PRKCH: variants seen among roughly 807,000 people sequenced by gnomAD.
The protein encoded by PRKCH is protein kinase C eta type.
A neutral mutation model predicts 82.5 loss-of-function variants in PRKCH; 28 were observed. The observed-to-expected ratio is 0.34, with a 90% CI of 0.25 to 0.47. PRKCH has a LOEUF of 0.47. Ranked by LOEUF, PRKCH falls within the 20% of genes least tolerant of loss-of-function variation. The probability of loss-of-function intolerance (pLI) is 1.00; values close to 1 mark genes in which losing one functional copy is unlikely to be tolerated. For missense variants in PRKCH, 705 were observed against 881.8 expected, an observed-to-expected ratio of 0.80 and a Z score of 2.54; for synonymous variants, 322 against 327.4, an observed-to-expected ratio of 0.98 and a Z score of 0.18.
At chr14:61,479,839 G>A (rs141278502) in intron 9 of PRKCH, among the ~76,000 whole-genome samples, 1 of 152,314 alleles carries the variant, frequency 6.6e-6, no homozygotes, top group African/African-American at 2.4e-5. Flanking sequence ...TCACCAGGCA[G>A]CAGCTCCTCT....
chr14:61,311,878 A>T (rs2045527890), intron 1 of PRKCH, among the ~76,000 whole-genome samples: 1 of 152,220 alleles, frequency 6.6e-6, no homozygotes, highest in Non-Finnish European at 1.5e-5. Context: ...AGTTCATCCT[A>T]CATGGCAGCA....
intron 10 of PRKCH, among the ~76,000 whole-genome samples, chr14:61,524,109 C>T (rs2042937398): frequency 1.3e-5 from 2 of 152,224 alleles, no homozygotes; most frequent in African/African-American, 4.8e-5. Context: ...GCTCTCAACT[C>T]GCTTTCCTTT....
chr14:61,388,287 G>A (rs1475497817), intron 1 of PRKCH, among the ~76,000 whole-genome samples: 1 of 152,196 alleles, frequency 6.6e-6, no homozygotes, highest in Non-Finnish European at 1.5e-5. Flanking sequence ...ATCTGCCCTA[G>A]GTGGACAACA....
intron 10 of PRKCH, among the ~76,000 whole-genome samples, chr14:61,523,561 T>C (rs1272331309): frequency 6.6e-6 from 1 of 152,142 alleles, no homozygotes; most frequent in African/African-American, 2.4e-5. Flanking sequence ...CTTCATAGAG[T>C]TATTTTGAGG....
intron 2 of PRKCH, among the ~76,000 whole-genome samples, chr14:61,441,529 C>T (rs1452062985): frequency 6.6e-6 from 1 of 152,202 alleles, no homozygotes; most frequent in Non-Finnish European, 1.5e-5. Flanking sequence ...TCTTGGGTAG[C>T]ATTGGACATC....
At chr14:61,375,794 C>T (rs1048820914) in intron 1 of PRKCH, among the ~76,000 whole-genome samples, 2 of 151,926 alleles carry the variant, frequency 1.3e-5, no homozygotes, top group Non-Finnish European at 2.9e-5. Context: ...CAGAGCCAAA[C>T]CATACCACGG....
chr14:61,484,801 T>G, intron 9 of PRKCH, among the ~76,000 whole-genome samples: 1 of 145,666 alleles, frequency 6.9e-6, no homozygotes, highest in African/African-American at 2.6e-5. Flanking sequence ...GGAGTCTTAC[T>G]CCTGTCGCTC....
At position 61,481,990 on chromosome 14, in the gene PRKCH, C is replaced by CTTTTTTT. The variant is rs35134897; in HGVS notation, c.1279-3495_1279-3489dup. ...GATGTGTGGGTCTTCTTTCCTTTTC[C>CTTTTTTT]TTTTTTTTTTTTTTTTTTTTTTTGA... On this transcript the variant is annotated intron_variant, in intron 9 of 13. Coordinates refer to ENST00000332981, the MANE Select transcript of PRKCH (RefSeq NM_006255.5). Among the ~76,000 whole-genome samples the CTTTTTTT allele has an allele frequency of 1.4e-3, 141 of 101,068 alleles. 3 individuals are homozygous for CTTTTTTT. The East Asian group carries it at 0.022, about 16-fold the overall frequency. The allele number at this position is 101,068 out of a possible 152,430, so 66.3% of individuals were successfully genotyped here. A position where few individuals can be genotyped will look rare whatever the true frequency, so the allele number is the denominator to read the frequency against.
At position 61,513,142 on chromosome 14, in the gene PRKCH, T is replaced by G. The variant is rs2042771728; in HGVS notation, c.1434-15933T>G. 2.0e-5 allele frequency among the ~76,000 whole-genome samples: 3 copies of G among 152,168 alleles called. 1 individual carries two copies. The highest frequency in any genetic ancestry group is 7.2e-5 in the African/African-American group (3 of 41,408). Reference sequence around the variant, plus strand: ...AGATGCAGAAAGCAGTTCTCACCATTGCTTCCTCAGTTCCTTAGCATCCAC... The same window carrying G: ...AGATGCAGAAAGCAGTTCTCACCATGGCTTCCTCAGTTCCTTAGCATCCAC... On this transcript the variant is annotated intron_variant, in intron 10 of 13. Transcript: ENST00000332981.
intron 7 of PRKCH, among the ~76,000 whole-genome samples, chr14:61,454,846 T>A (rs1364074977): frequency 6.6e-6 from 1 of 152,208 alleles, no homozygotes; most frequent in East Asian, 1.9e-4. Flanking sequence ...ATGTAAGATC[T>A]GAACGGTGTA....
intron 1 of PRKCH, among the ~76,000 whole-genome samples, chr14:61,272,663 T>G (rs1420436562): frequency 1.3e-5 from 2 of 152,170 alleles, no homozygotes; most frequent in East Asian, 3.9e-4. Flanking sequence ...GCCCATAGAT[T>G]TAATTTTTGA....
In PRKCH at chr14:61,457,642, C is replaced by G. The variant is rs759613422; in HGVS notation, c.1241C>G (p.Pro414Arg). The G allele has an allele frequency of 6.2e-7, 1 of 1,614,154 alleles. No homozygotes were observed. Among genetic ancestry groups the G allele is most frequent in the Middle Eastern group, 1.6e-4 (1 of 6,062 alleles). Reference protein sequence around the residue: ...KRILSLARNHPFLTQLFCCFQ... With the variant: ...KRILSLARNHRFLTQLFCCFQ... ...ATCCTGTCTCTGGCCCGCAATCACC[C>G]CTTCCTCACTCAGTTGTTCTGCTGC... Residue 414 changes from proline to arginine, a missense_variant, in exon 9 of 14, where the codon CCC (proline) becomes CGC (arginine). Physicochemically the swap from Pro to Arg is moderately radical, Grantham distance 103. Coordinates refer to ENST00000332981, the MANE Select transcript of PRKCH (RefSeq NM_006255.5).
rs186052834 is a variant in PRKCH, at chr14:61,548,721, G to C, written c.1905+835G>C. 4.1e-4 allele frequency among the ~76,000 whole-genome samples: 62 copies of C among 151,120 alleles called. 2 individuals are homozygous for C. Among genetic ancestry groups the C allele is most frequent in the Middle Eastern group, 3.4e-3 (1 of 292 alleles). On this transcript the variant is annotated intron_variant, in intron 13 of 13. Transcript: ENST00000332981. ...CTAAAAATACAAAAAAAAAAAGCCT[G>C]GTGTGGTGATGCACACCTCTAATCC...
At chr14:61,476,074 C>G (rs751502026) in intron 9 of PRKCH, among the ~76,000 whole-genome samples, 4 of 152,208 alleles carry the variant, frequency 2.6e-5, no homozygotes, top group Non-Finnish European at 5.9e-5. Context: ...TCCTACTTAA[C>G]TCTTCCACAA....
intron 1 of PRKCH, among the ~76,000 whole-genome samples, chr14:61,300,580 C>T (rs1372462860): frequency 6.6e-6 from 1 of 152,114 alleles, no homozygotes; most frequent in Non-Finnish European, 1.5e-5. Flanking sequence ...GAATTTAAAT[C>T]GTCATTGATA....
chr14:61,277,733 T>A (rs2045216639), intron 1 of PRKCH: 1 of 151,850 alleles, frequency 6.6e-6, no homozygotes, highest in African/African-American at 2.4e-5. Flanking sequence ...GACTATCTAG[T>A]TTATATACAT....
At chr14:61,433,774 T>C (rs535942759) in intron 2 of PRKCH, among the ~76,000 whole-genome samples, 51 of 152,350 alleles carry the variant, frequency 3.3e-4, no homozygotes, top group African/African-American at 1.1e-3. Context: ...TGGGTGAAAG[T>C]AGTTGGCTGC....
intron 1 of PRKCH, among the ~76,000 whole-genome samples, chr14:61,208,572 A>G (rs965107762): frequency 3.3e-5 from 5 of 152,202 alleles, no homozygotes; most frequent in Non-Finnish European, 7.3e-5. Context: ...TTCTGAATAT[A>G]ATTTTAAAGG....
Position 61,526,247 on chromosome 14 carries a change from G to C in PRKCH, c.1434-2828G>C, listed in dbSNP as rs560685691. On this transcript the variant is annotated intron_variant, in intron 10 of 13. Transcript: ENST00000332981. The stretch of plus-strand genomic sequence containing the variant: ...ACTTATATGGGACATGGGATTCTGC[G>C]TGGAGAAGGGCTGATTTGGAGCCAG... Among the ~76,000 whole-genome samples the C allele has an allele frequency of 1.6e-4, 25 of 152,330 alleles. No individual in the cohort carries two copies. The South Asian group carries it at 5.0e-3, about 30-fold the overall frequency.
Sources: gnomAD v4.1 joint callset for allele counts (sites outside exome capture counted in the v4.1 genomes callset) on GRCh38, gnomAD v4.1.1 for gene constraint, MANE v1.5 for transcripts, NCBI Gene and HGNC (gene_info 2026-07-23, HGNC 2026-07-21) for gene names.